The following ELOVL7 variants were observed in gnomAD, a reference collection of about 807,000 sequenced individuals.
The protein encoded by ELOVL7 is very long chain fatty acid elongase 7.
In ELOVL7, 27 loss-of-function variants were observed where a neutral mutation model predicts 35.7. The observed-to-expected ratio is 0.76, with a 90% CI of 0.56 to 1.04. The LOEUF (loss-of-function observed/expected upper bound fraction) is 1.04, where lower values mean the gene tolerates loss of function less well. Among genes scored for constraint, ELOVL7 ranks in the 50% least tolerant of loss-of-function variants. ELOVL7 has a pLI of 0.00. For missense variants in ELOVL7, 327 were observed against 340.8 expected, an observed-to-expected ratio of 0.96 and a Z score of 0.32; for synonymous variants, 113 against 114.6, an observed-to-expected ratio of 0.99 and a Z score of 0.09.
chr5:60,833,487 C>T (rs1443390275), intron 1 of ELOVL7, among the ~76,000 whole-genome samples: 3 of 152,064 alleles, frequency 2.0e-5, no homozygotes, highest in South Asian at 2.1e-4. Flanking sequence ...CTGTGTTGGC[C>T]GCCTCCTTTT....
chr5:60,759,355 A>G (rs1561419224), intron 7 of ELOVL7, among the ~76,000 whole-genome samples: 1 of 152,216 alleles, frequency 6.6e-6, no homozygotes. Flanking sequence ...CCCAAAGGAA[A>G]TTTGAATAAA....
intron 1 of ELOVL7, among the ~76,000 whole-genome samples, chr5:60,802,434 A>G (rs1744701805): frequency 1.3e-5 from 2 of 152,144 alleles, no homozygotes; most frequent in African/African-American, 4.8e-5. Flanking sequence ...AACAGGCATA[A>G]AATACATGAC....
chr5:60,812,443 G>A lies in ELOVL7; in HGVS notation c.-85-13213C>T, dbSNP rs16878444. Among the ~76,000 whole-genome samples the A allele has an allele frequency of 1.1e-3, 160 of 152,146 alleles. 5 individuals are homozygous for A. The East Asian group carries it at 0.029, about 28-fold the overall frequency. On this transcript the variant is annotated intron_variant, in intron 1 of 8. Transcript: ENST00000508821. ...TGACCTATGTTGTTCAATAACAATA[G>A]TGACAAGCCCTCTCTAGGCTGGAGA...
intron 2 of ELOVL7, among the ~76,000 whole-genome samples, chr5:60,790,174 A>T (rs1743845718): frequency 6.6e-6 from 1 of 152,112 alleles, no homozygotes; most frequent in African/African-American, 2.4e-5. Flanking sequence ...AGAAAGTACA[A>T]AATTTAAAAA....
intron 3 of ELOVL7, among the ~76,000 whole-genome samples, chr5:60,772,856 T>TA (rs1189670055): frequency 6.6e-6 from 1 of 152,122 alleles, no homozygotes; most frequent in East Asian, 1.9e-4. Context: ...TTTTATATAT[T>TA]AAAAAAAGTT....
intron 1 of ELOVL7, among the ~76,000 whole-genome samples, chr5:60,805,583 G>A (rs547889821): frequency 1.3e-5 from 2 of 152,242 alleles, no homozygotes; most frequent in South Asian, 4.2e-4. Context: ...GGTAACTAAG[G>A]GTGTGGTTTA....
chr5:60,819,044 G>C (rs1321183285), intron 1 of ELOVL7, among the ~76,000 whole-genome samples: 1 of 704 alleles, frequency 1.4e-3, no homozygotes, highest in Non-Finnish European at 2.6e-3. Flanking sequence ...GGGAGGGGAG[G>C]GGAGGGGAGG....
intron 1 of ELOVL7, among the ~76,000 whole-genome samples, chr5:60,806,635 T>C (rs1050346118): frequency 1.3e-5 from 2 of 152,178 alleles, no homozygotes; most frequent in African/African-American, 4.8e-5. Flanking sequence ...AGAAATTTAT[T>C]GTCTCACAGT....
At chr5:60,831,566 GT>G in intron 1 of ELOVL7, among the ~76,000 whole-genome samples, 1 of 152,262 alleles carries the variant, frequency 6.6e-6, no homozygotes, top group East Asian at 1.9e-4. Context: ...AGCCCTGGAG[GT>G]TTTAGAGAAA....
chr5:60,797,982 C>A (rs1234756876), intron 2 of ELOVL7, among the ~76,000 whole-genome samples: 1 of 152,208 alleles, frequency 6.6e-6, no homozygotes, highest in African/African-American at 2.4e-5. Flanking sequence ...CTCTCACCTA[C>A]CTGTGACCTG....
intron 6 of ELOVL7, among the ~76,000 whole-genome samples, chr5:60,765,525 A>G (rs1230843500): frequency 2.6e-5 from 4 of 152,146 alleles, no homozygotes; most frequent in Admixed American, 2.6e-4. Flanking sequence ...TGTGGGCTGG[A>G]ACCACCAGAA....
At chr5:60,768,692 T>G in intron 4 of ELOVL7, 1 of 456,182 alleles carries the variant, frequency 2.2e-6, no homozygotes, top group Non-Finnish European at 4.4e-6. Flanking sequence ...AAACAGTATC[T>G]GAAAAGGAAA....
At position 60,794,526 on chromosome 5, in the gene ELOVL7, C is replaced by G. The variant is rs184128623; in HGVS notation, c.-35+4654G>C. Among the ~76,000 whole-genome samples, 1,221 of 148,808 alleles carry G rather than the reference C, an allele frequency of 8.2e-3. 4 individuals are homozygous for G. Among genetic ancestry groups the G allele is most frequent in the Non-Finnish European group, 0.012 (840 of 67,954 alleles). Reference sequence around the variant, plus strand: ...CAGATGTGCTTGCAGTGGGAAGCACCAGACAAGAGCCCAGAAATCATGGCC... The same window carrying G: ...CAGATGTGCTTGCAGTGGGAAGCACGAGACAAGAGCCCAGAAATCATGGCC... On this transcript the variant is annotated intron_variant, in intron 2 of 8. Coordinates refer to ENST00000508821, the MANE Select transcript of ELOVL7 (RefSeq NM_024930.3).
intron 2 of ELOVL7, among the ~76,000 whole-genome samples, chr5:60,796,757 C>T (rs183326362): frequency 5.3e-4 from 81 of 152,252 alleles, no homozygotes; most frequent in African/African-American, 1.9e-3. Flanking sequence ...AAATCTTTGC[C>T]TACTGCTTCT....
intron 1 of ELOVL7, among the ~76,000 whole-genome samples, chr5:60,827,518 T>C (rs1383343096): frequency 6.6e-6 from 1 of 152,198 alleles, no homozygotes; most frequent in East Asian, 1.9e-4. Flanking sequence ...TTATACAAGA[T>C]ACTCAAATAC....
intron 1 of ELOVL7, among the ~76,000 whole-genome samples, chr5:60,818,809 C>T (rs1036981246): frequency 1.3e-5 from 2 of 151,014 alleles, no homozygotes; most frequent in African/African-American, 4.9e-5. Flanking sequence ...AATTCGAGAC[C>T]AGCCTGGCCA....
intron 1 of ELOVL7, among the ~76,000 whole-genome samples, chr5:60,834,993 C>T (rs757898925): frequency 1.5e-4 from 22 of 151,550 alleles, no homozygotes; most frequent in African/African-American, 3.2e-4. Flanking sequence ...GAGTTCAAGA[C>T]GAGCTTGGGC....
At chr5:60,797,128 C>T (rs943545703) in intron 2 of ELOVL7, among the ~76,000 whole-genome samples, 15 of 152,152 alleles carry the variant, frequency 9.9e-5, no homozygotes, top group African/African-American at 3.6e-4. Context: ...GAATGTGGAA[C>T]AGCCTCAGTA....
intron 3 of ELOVL7, chr5:60,784,179 C>G: frequency 6.8e-7 from 1 of 1,477,682 alleles, no homozygotes; most frequent in East Asian, 2.5e-5. Flanking sequence ...AAGAGTACAT[C>G]TTTAAGATTC....
Sources: gnomAD v4.1 joint callset for allele counts (sites outside exome capture counted in the v4.1 genomes callset) on GRCh38, gnomAD v4.1.1 for gene constraint, MANE v1.5 for transcripts, NCBI Gene and HGNC (gene_info 2026-07-23, HGNC 2026-07-21) for gene names.